Variants in ERC2 observed in about 807,000 individuals in gnomAD.
ERC2 encodes the protein ELKS/RAB6-interacting/CAST family member 2.
A neutral mutation model predicts 114.8 loss-of-function variants in ERC2; 42 were observed. The observed-to-expected ratio is 0.37, with a 90% confidence interval of 0.29 to 0.47. The LOEUF (loss-of-function observed/expected upper bound fraction) is 0.47, where lower values mean the gene tolerates loss of function less well. Ranked by LOEUF, ERC2 falls within the 20% of genes least tolerant of loss-of-function variation. ERC2 has a pLI of 0.99. For missense variants in ERC2, 939 were observed against 1,150.7 expected, an observed-to-expected ratio of 0.82 and a Z score of 2.66; for synonymous variants, 454 against 425.5, an observed-to-expected ratio of 1.07 and a Z score of -0.82.
chr3:56,152,821 C>T (rs2081495104), intron 4 of ERC2, among the ~76,000 whole-genome samples: 1 of 152,094 alleles, frequency 6.6e-6, no homozygotes. Context: ...ATCATAGCTT[C>T]TAATTAAAGA....
intron 2 of ERC2, among the ~76,000 whole-genome samples, chr3:56,404,135 C>T (rs970269604): frequency 1.3e-5 from 2 of 152,150 alleles, no homozygotes; most frequent in African/African-American, 4.8e-5. Context: ...AAATATATTC[C>T]ATGTAAATGA....
intron 14 of ERC2, among the ~76,000 whole-genome samples, chr3:55,864,911 C>T (rs1421807664): frequency 6.6e-6 from 1 of 152,136 alleles, no homozygotes; most frequent in African/African-American, 2.4e-5. Flanking sequence ...TGTTGTCCAT[C>T]ACCACTACCA....
intron 17 of ERC2, among the ~76,000 whole-genome samples, chr3:55,541,602 G>A (rs748612845): frequency 1.3e-5 from 2 of 152,146 alleles, no homozygotes; most frequent in Non-Finnish European, 2.9e-5. Context: ...AAAGTTCATG[G>A]GAAGGTTTAA....
At chr3:55,681,092 G>T (rs1352248005) in intron 17 of ERC2, among the ~76,000 whole-genome samples, 3 of 152,126 alleles carry the variant, frequency 2.0e-5, no homozygotes, top group Non-Finnish European at 4.4e-5. Flanking sequence ...TCTAGGGGGT[G>T]TCAAAACTCT....
chr3:56,373,835 C>T (rs961777778), intron 2 of ERC2, among the ~76,000 whole-genome samples: 1 of 152,098 alleles, frequency 6.6e-6, no homozygotes, highest in Non-Finnish European at 1.5e-5. Context: ...CATGGACATG[C>T]GTATTTCATG....
At chr3:55,863,791 A>C (rs552803436) in intron 14 of ERC2, among the ~76,000 whole-genome samples, 1 of 152,232 alleles carries the variant, frequency 6.6e-6, no homozygotes, top group East Asian at 1.9e-4. Context: ...TATATAAATT[A>C]TTACTGAGAT....
chr3:56,434,293 C>T (rs1157999705), intron 2 of ERC2, 58 bp downstream of exon 2: 2 of 1,522,484 alleles, frequency 1.3e-6, no homozygotes, highest in Non-Finnish European at 1.8e-6. Context: ...ATCTGCAAAG[C>T]ATCAACTACT....
At chr3:55,878,884 C>T (rs898580762) in intron 14 of ERC2, among the ~76,000 whole-genome samples, 3 of 152,150 alleles carry the variant, frequency 2.0e-5, no homozygotes, top group African/African-American at 7.2e-5. Context: ...TTCTACCTGA[C>T]ATGCAATTTA....
intron 2 of ERC2, among the ~76,000 whole-genome samples, chr3:56,327,778 C>A (rs2057432120): frequency 6.6e-6 from 1 of 152,164 alleles, no homozygotes; most frequent in East Asian, 1.9e-4. Context: ...GAAACCCTAA[C>A]CAGCAGGACC....
intron 6 of ERC2, among the ~76,000 whole-genome samples, chr3:56,092,203 G>T (rs930835889): frequency 6.6e-6 from 1 of 152,070 alleles, no homozygotes; most frequent in African/African-American, 2.4e-5. Flanking sequence ...TAACACAGTC[G>T]AGATTTTCAG....
At chr3:56,140,551 C>T (rs955420630) in intron 5 of ERC2, among the ~76,000 whole-genome samples, 2 of 152,134 alleles carry the variant, frequency 1.3e-5, no homozygotes, top group Non-Finnish European at 2.9e-5. Context: ...GACTTCACCA[C>T]AATTTATCTG....
At chr3:55,965,396 T>C (rs182120087) in intron 12 of ERC2, among the ~76,000 whole-genome samples, 1 of 152,374 alleles carries the variant, frequency 6.6e-6, no homozygotes, top group Non-Finnish European at 1.5e-5. Context: ...ATTTAAGTAG[T>C]CTCATGTGGC....
intron 17 of ERC2, among the ~76,000 whole-genome samples, chr3:55,617,362 C>T (rs915886700): frequency 2.0e-5 from 3 of 152,144 alleles, no homozygotes. Context: ...TGAAGCAAGC[C>T]GACTGCAATT....
chr3:55,555,281 C>T (rs1020574241), intron 17 of ERC2, among the ~76,000 whole-genome samples: 1 of 152,158 alleles, frequency 6.6e-6, no homozygotes, highest in Non-Finnish European at 1.5e-5. Flanking sequence ...AATGCATTTT[C>T]GTTGTCTTGA....
rs2082368742 is a variant in ERC2 at position 56,167,282 on chromosome 3, C to T, written c.1149+6164G>A. ...CTTAGAACTCAGTTTTTCCTGAAAG[C>T]CTCATCATGGTGCTGTACACAAAAT... On this transcript the variant is annotated intron_variant, in intron 4 of 17. Coordinates refer to ENST00000288221, the MANE Select transcript of ERC2 (RefSeq NM_015576.3). Among the ~76,000 whole-genome samples the T allele has an allele frequency of 2.0e-5, 3 of 152,246 alleles. No homozygotes were observed. The South Asian group carries it at 6.2e-4, about 32-fold the overall frequency.
chr3:56,441,698 G>A (rs1458630587), intron 1 of ERC2, among the ~76,000 whole-genome samples: 3 of 152,014 alleles, frequency 2.0e-5, no homozygotes, highest in East Asian at 1.9e-4. Context: ...TCCGCCTCCC[G>A]GGTTCAAGTG....
intron 7 of ERC2, among the ~76,000 whole-genome samples, chr3:56,058,275 C>T (rs1046649801): frequency 6.6e-6 from 1 of 152,156 alleles, no homozygotes; most frequent in African/African-American, 2.4e-5. Flanking sequence ...GTAACTGTTA[C>T]GACCCTTGGA....
At chr3:55,901,858 C>T (rs2149345951) in intron 13 of ERC2, among the ~76,000 whole-genome samples, 1 of 152,262 alleles carries the variant, frequency 6.6e-6, no homozygotes, top group South Asian at 2.1e-4. Context: ...CCATCTAGTC[C>T]CAAGGATGAC....
chr3:55,729,484 T>A (rs557046828), intron 15 of ERC2, among the ~76,000 whole-genome samples: 1 of 152,238 alleles, frequency 6.6e-6, no homozygotes, highest in African/African-American at 2.4e-5. Context: ...ATTTTTCTTC[T>A]TTTCTACCAT....
Sources: allele counts gnomAD v4.1 joint callset (sites outside exome capture counted in the v4.1 genomes callset), GRCh38; gene constraint gnomAD v4.1.1; transcripts MANE v1.5; gene names NCBI Gene and HGNC (gene_info 2026-07-23, HGNC 2026-07-21).